Variants in TMEM132B observed in about 807,000 individuals in gnomAD.
The protein encoded by TMEM132B is transmembrane protein 132B.
TMEM132B carries 18 observed loss-of-function variants against 90.8 expected under a neutral mutation model. The ratio of observed to expected loss-of-function variants is 0.20; its 90% CI spans 0.14 to 0.29. The LOEUF is 0.29. TMEM132B is among the 10% of genes least tolerant of loss of function. The pLI is 1.00. For missense variants in TMEM132B, 1,096 were observed against 1,326.8 expected, an observed-to-expected ratio of 0.83 and a Z score of 2.70; for synonymous variants, 504 against 523.3, an observed-to-expected ratio of 0.96 and a Z score of 0.50.
At chr12:125,514,811 C>G (rs925367238) in intron 3 of TMEM132B, among the ~76,000 whole-genome samples, 1 of 152,170 alleles carries the variant, frequency 6.6e-6, no homozygotes, top group Non-Finnish European at 1.5e-5. Context: ...TGAGGAACAG[C>G]CGCATGTGGT....
intron 2 of TMEM132B, among the ~76,000 whole-genome samples, chr12:125,381,530 T>C (rs2136286516): frequency 6.6e-6 from 1 of 152,296 alleles, no homozygotes; most frequent in Middle Eastern, 3.4e-3. Flanking sequence ...TCTGGGTCAG[T>C]AACTTGGAGA....
chr12:125,644,276 C>G lies in TMEM132B; in HGVS notation c.1638C>G (p.Asn546Lys). Residue 546 changes from asparagine to lysine, a missense_variant, in exon 6 of 9, where the codon AAC becomes AAG. Physicochemically the swap from Asn to Lys is moderately conservative, Grantham distance 94. Coordinates refer to ENST00000682704, the MANE Select transcript of TMEM132B (RefSeq NM_001366854.1). ...GCTGGAGGATCCCGGTTGCTGCCAACAGAAGGTGAGGAATCAAAGAGAAGG... is the reference window on the plus strand; with the variant it reads ...GCTGGAGGATCCCGGTTGCTGCCAAGAGAAGGTGAGGAATCAAAGAGAAGG... The part of the protein sequence containing the change: ...IKGWRIPVAA[N>K]RRPTRESDDE... 6.2e-7 allele frequency: 1 copy of G among 1,614,090 alleles called. No individual in the cohort carries two copies. Among genetic ancestry groups the G allele is most frequent in the Non-Finnish European group, 8.5e-7 (1 of 1,180,024 alleles).
chr12:125,359,513 C>G (rs1877894286), intron 2 of TMEM132B, among the ~76,000 whole-genome samples: 1 of 151,624 alleles, frequency 6.6e-6, no homozygotes, highest in Non-Finnish European at 1.5e-5. Context: ...ATAGTATTTT[C>G]TGATAGACAA....
intron 1 of TMEM132B, among the ~76,000 whole-genome samples, chr12:125,300,183 A>G (rs1332767917): frequency 2.0e-5 from 3 of 150,610 alleles, no homozygotes; most frequent in African/African-American, 7.3e-5. Context: ...CCTTCCTCTT[A>G]GCCTGCCCTT....
At chr12:125,591,899 A>G (rs1885326313) in intron 5 of TMEM132B, among the ~76,000 whole-genome samples, 1 of 152,224 alleles carries the variant, frequency 6.6e-6, no homozygotes, top group East Asian at 1.9e-4. Context: ...TTGAAATTGC[A>G]TCTGCAAATA....
rs564837929 is a variant in TMEM132B, at chr12:125,641,719, T to TGAACATA, written c.1438-2353_1438-2347dup. On this transcript the variant is annotated intron_variant, in intron 5 of 8. Coordinates refer to ENST00000682704, the MANE Select transcript of TMEM132B (RefSeq NM_001366854.1). ...GACAGTTACATTATTTCATTCCTTATGAACATAGAAAGGGCCTCACAGTTT... is the reference window on the plus strand; with the variant it reads ...GACAGTTACATTATTTCATTCCTTATGAACATAGAACATAGAAAGGGCCTCACAGTTT... Among the ~76,000 whole-genome samples the TGAACATA allele has an allele frequency of 1.4e-3, 220 of 152,280 alleles. 1 individual carries two copies. The highest frequency in any genetic ancestry group is 4.8e-3 in the African/African-American group (201 of 41,578).
chr12:125,594,025 A>G (rs1885380219), intron 5 of TMEM132B, among the ~76,000 whole-genome samples: 1 of 152,252 alleles, frequency 6.6e-6, no homozygotes, highest in African/African-American at 2.4e-5. Flanking sequence ...TAACTTCTGA[A>G]CTTTCTTCAT....
chr12:125,389,255 A>C, intron 2 of TMEM132B, among the ~76,000 whole-genome samples: 1 of 152,154 alleles, frequency 6.6e-6, no homozygotes, highest in East Asian at 1.9e-4. Flanking sequence ...TGTCAGGATA[A>C]AGCATAATGG....
chr12:125,265,002 A>C lies in TMEM132B; in HGVS notation c.67+78136A>C, dbSNP rs554014165. 7.2e-5 allele frequency among the ~76,000 whole-genome samples: 11 copies of C among 152,386 alleles called. No individual in the cohort carries two copies. The South Asian group carries it at 8.3e-4, about 11-fold the overall frequency. ...CGAACATCACAAAGTATATTTATACAGACCCAGGTGGTAGAGCCTGCTACA... is the reference window on the plus strand; with the variant it reads ...CGAACATCACAAAGTATATTTATACCGACCCAGGTGGTAGAGCCTGCTACA... On this transcript the variant is annotated intron_variant, in intron 1 of 8. Coordinates refer to ENST00000682704, the MANE Select transcript of TMEM132B (RefSeq NM_001366854.1).
rs147712737 is a variant in TMEM132B, at chr12:125,235,771, C to G, written c.67+48905C>G. The stretch of plus-strand genomic sequence containing the variant: ...ATAACATAACAGTTTTGAGGTCTAT[C>G]TATGTTGTAATGTTTATCAGCACTT... On this transcript the variant is annotated intron_variant, in intron 1 of 8. Coordinates refer to ENST00000682704, the MANE Select transcript of TMEM132B (RefSeq NM_001366854.1). Among the ~76,000 whole-genome samples the G allele has an allele frequency of 2.6e-3, 366 of 140,642 alleles. 1 individual carries two copies. Among genetic ancestry groups the G allele is most frequent in the African/African-American group, 9.0e-3 (342 of 37,882 alleles). The allele number at this position is 140,642 out of a possible 152,430, so 92.3% of individuals were successfully genotyped here.
intron 1 of TMEM132B, among the ~76,000 whole-genome samples, chr12:125,344,849 CA>C (rs34240013): frequency 0.61 from 92,611 of 151,834 alleles, 30,300 homozygotes; most frequent in South Asian, 0.76. Context: ...AAAACAGCAC[CA>C]AAGTGGAGCT....
chr12:125,383,941 A>C (rs912319108), intron 2 of TMEM132B, among the ~76,000 whole-genome samples: 1 of 152,106 alleles, frequency 6.6e-6, no homozygotes, highest in African/African-American at 2.4e-5. Flanking sequence ...AACTCTCTGT[A>C]TTTCTTTCTT....
At chr12:125,642,013 A>C (rs2137023878) in intron 5 of TMEM132B, among the ~76,000 whole-genome samples, 1 of 152,200 alleles carries the variant, frequency 6.6e-6, no homozygotes, top group South Asian at 2.1e-4. Context: ...TTTTCTGAGC[A>C]GGGTTGGGGG....
chr12:125,539,157 C>A (rs1277761453), intron 4 of TMEM132B, among the ~76,000 whole-genome samples: 1 of 152,316 alleles, frequency 6.6e-6, no homozygotes, highest in South Asian at 2.1e-4. Flanking sequence ...CTTCCCATTG[C>A]ATTGTGAATG....
intron 3 of TMEM132B, among the ~76,000 whole-genome samples, chr12:125,439,147 T>C (rs71460709): frequency 0.26 from 16,041 of 62,554 alleles, 972 homozygotes; most frequent in East Asian, 0.38. Context: ...GTTCAGGCTC[T>C]TTTTTTTTTT....
chr12:125,295,538 G>GAGAGAC (rs1178194399), intron 1 of TMEM132B, among the ~76,000 whole-genome samples: 28 of 149,054 alleles, frequency 1.9e-4, no homozygotes, highest in Middle Eastern at 3.4e-3. Context: ...GAGAGAGAGA[G>GAGAGAC]AGAGACAGAG....
At chr12:125,618,171 G>A (rs1886035399) in intron 5 of TMEM132B, among the ~76,000 whole-genome samples, 1 of 152,040 alleles carries the variant, frequency 6.6e-6, no homozygotes, top group Admixed American at 6.6e-5. Context: ...GTGCTGGGTG[G>A]GGACACTAGC....
chr12:125,507,795 T>G (rs2136620896), intron 3 of TMEM132B, among the ~76,000 whole-genome samples: 1 of 152,180 alleles, frequency 6.6e-6, no homozygotes, highest in South Asian at 2.1e-4. Flanking sequence ...TCCTCAAGGT[T>G]TTGAAAAGAA....
At chr12:125,434,085 CAG>C (rs1880626346) in intron 3 of TMEM132B, among the ~76,000 whole-genome samples, 1 of 152,218 alleles carries the variant, frequency 6.6e-6, no homozygotes, top group African/African-American at 2.4e-5. Flanking sequence ...CAAGGCATTG[CAG>C]AGTTGCCTCC....
Sources: gnomAD v4.1 joint callset for allele counts (sites outside exome capture counted in the v4.1 genomes callset) on GRCh38, gnomAD v4.1.1 for gene constraint, MANE v1.5 for transcripts, NCBI Gene and HGNC (gene_info 2026-07-23, HGNC 2026-07-21) for gene names.